ZBTB43: variants seen among roughly 807,000 people sequenced by gnomAD.
ZBTB43 encodes the protein zinc finger and BTB domain containing 43, also known as zinc finger and BTB domain-containing protein 43.
Under a neutral mutation model 31.1 loss-of-function variants are expected in ZBTB43, and 6 were observed. The observed-to-expected ratio is 0.19, with a 90% confidence interval of 0.11 to 0.38. ZBTB43 has a LOEUF of 0.38. Ranked by LOEUF, ZBTB43 falls within the 10% of genes least tolerant of loss-of-function variation. ZBTB43 has a pLI of 1.00. For missense variants in ZBTB43, 379 were observed against 602.1 expected (o/e 0.63, Z 3.88); for synonymous variants, 212 against 221.7 (o/e 0.96, Z 0.39).
intron 2 of ZBTB43, among the ~76,000 whole-genome samples, chr9:126,827,781 GC>G: frequency 6.6e-6 from 1 of 152,264 alleles, no homozygotes; most frequent in African/African-American, 2.4e-5. Context: ...ACTGAGGCGG[GC>G]GGATCACCTG....
At chr9:126,815,030 T>G (rs868440534) in intron 2 of ZBTB43, among the ~76,000 whole-genome samples, 6 of 151,808 alleles carry the variant, frequency 4.0e-5, no homozygotes, top group Middle Eastern at 3.2e-3. Flanking sequence ...GTGATTTGAT[T>G]ATGATGTGCC....
intron 2 of ZBTB43, among the ~76,000 whole-genome samples, chr9:126,822,631 T>C (rs2032539827): frequency 1.3e-5 from 2 of 152,118 alleles, no homozygotes. Flanking sequence ...GTCCAGCTCC[T>C]TGGGAGGCTG....
At chr9:126,814,827 G>T (rs966406529) in intron 2 of ZBTB43, among the ~76,000 whole-genome samples, 1 of 151,984 alleles carries the variant, frequency 6.6e-6, no homozygotes, top group Admixed American at 6.6e-5. Flanking sequence ...AAAGTATTTT[G>T]CCTTCACTTT....
intron 2 of ZBTB43, chr9:126,832,253 C>T: frequency 2.0e-6 from 1 of 494,140 alleles, no homozygotes; most frequent in East Asian, 3.3e-5. Context: ...ATTCAGTTCT[C>T]TTACCCACAG....
rs369672624 is a variant in ZBTB43, at chr9:126,820,218, T to C, written c.-24+11303T>C. Among the ~76,000 whole-genome samples the C allele has an allele frequency of 4.6e-5, 7 of 152,354 alleles. 1 individual carries two copies. The highest frequency in any genetic ancestry group is 1.7e-4 in the African/African-American group (7 of 41,578). On this transcript the variant is annotated intron_variant, in intron 2 of 2. Coordinates refer to ENST00000373464, the MANE Select transcript of ZBTB43 (RefSeq NM_014007.4). ...TTTCAATATAGATGAAAAAGCCTTC[T>C]ATTGGAAGGAGATGCTATCTATGAC... is the stretch of plus-strand genomic sequence containing the variant.
chr9:126,811,660 C>G (rs1049898875), intron 2 of ZBTB43, among the ~76,000 whole-genome samples: 1 of 152,176 alleles, frequency 6.6e-6, no homozygotes, highest in Non-Finnish European at 1.5e-5. Context: ...GAGTCTCACT[C>G]TGTCGCCCAG....
rs369554437 is a variant in ZBTB43, at chr9:126,836,122, T to C, written c.*2209T>C. The C allele has an allele frequency of 1.2e-5, 2 of 167,238 alleles. No homozygotes were observed. The highest frequency in any genetic ancestry group is 4.8e-5 in the African/African-American group (2 of 41,572). The allele number at this position is 167,238 out of a possible 1,614,324, so 10.4% of individuals were successfully genotyped here. On this transcript the variant is annotated 3_prime_UTR_variant, in exon 3 of 3. Transcript: ENST00000373464. ...ACTATTTACATGATCATTAGGACAT[T>C]GCAGGAGAAGTCTGAGAGGTAAAAA...
intron 2 of ZBTB43, among the ~76,000 whole-genome samples, chr9:126,820,906 G>T (rs1211936613): frequency 6.9e-6 from 1 of 144,362 alleles, no homozygotes; most frequent in African/African-American, 2.6e-5. Context: ...AGTCGAGGCT[G>T]CAGTGAGCCA....
intron 2 of ZBTB43, among the ~76,000 whole-genome samples, chr9:126,830,312 C>A (rs896831136): frequency 3.3e-5 from 5 of 152,242 alleles, no homozygotes; most frequent in African/African-American, 7.2e-5. Flanking sequence ...AGATGACTTT[C>A]AGTCTTTGTC....
rs112745241 is a variant in ZBTB43, at chr9:126,811,322, C to G, written c.-24+2407C>G. Reference sequence around the variant, plus strand: ...ACTTTGGATTTAAATCTCAATTTTACTGCTTACCAGTTATATGACCTTAAG... The same window carrying G: ...ACTTTGGATTTAAATCTCAATTTTAGTGCTTACCAGTTATATGACCTTAAG... On this transcript the variant is annotated intron_variant, in intron 2 of 2. Transcript: ENST00000373464. Among the ~76,000 whole-genome samples, 592 of 151,818 alleles carry G rather than the reference C, an allele frequency of 3.9e-3. 5 individuals carry two copies. The highest frequency in any genetic ancestry group is 0.014 in the African/African-American group (560 of 41,446).
upstream of ZBTB43, among the ~76,000 whole-genome samples, chr9:126,804,800 A>G (rs867108356): frequency 6.6e-6 from 1 of 152,096 alleles, no homozygotes; most frequent in East Asian, 1.9e-4. Flanking sequence ...CAAGGTTTCA[A>G]GAAGGTTTAG....
chr9:126,816,687 T>G (rs1390183070), intron 2 of ZBTB43, among the ~76,000 whole-genome samples: 1 of 152,184 alleles, frequency 6.6e-6, no homozygotes, highest in Non-Finnish European at 1.5e-5. Flanking sequence ...TGAACCACAT[T>G]GACATCTGGG....
At chr9:126,815,225 GTTTT>G (rs2032350264) in intron 2 of ZBTB43, among the ~76,000 whole-genome samples, 1 of 49,058 alleles carries the variant, frequency 2.0e-5, no homozygotes, top group Non-Finnish European at 4.8e-5. Context: ...TATATATATA[GTTTT>G]CAATATATAA....
At chr9:126,805,593 T>C (rs1355021940) in intron 1 of ZBTB43, among the ~76,000 whole-genome samples, 1 of 152,250 alleles carries the variant, frequency 6.6e-6, no homozygotes, top group African/African-American at 2.4e-5. Context: ...GCATCCCCTG[T>C]TGCTGTCTCT....
chr9:126,807,897 A>G (rs148581694), intron 1 of ZBTB43, among the ~76,000 whole-genome samples: 4 of 152,170 alleles, frequency 2.6e-5, no homozygotes, highest in African/African-American at 9.7e-5. Context: ...TGGCCTCCCA[A>G]AGTGCTGGGA....
chr9:126,813,614 A>G (rs1322621041), intron 2 of ZBTB43, among the ~76,000 whole-genome samples: 4 of 152,278 alleles, frequency 2.6e-5, no homozygotes, highest in East Asian at 1.9e-4. Flanking sequence ...TCTTGCCGTT[A>G]GTGTGATTGG....
intron 2 of ZBTB43, among the ~76,000 whole-genome samples, chr9:126,819,555 G>A (rs986256174): frequency 9.2e-5 from 14 of 152,014 alleles, no homozygotes; most frequent in African/African-American, 3.1e-4. Context: ...TGTGTGTTCT[G>A]ACTACTCCAC....
chr9:126,833,387 T>C lies in ZBTB43; in HGVS notation c.878T>C (p.Ile293Thr), dbSNP rs762841686. Residue 293 changes from isoleucine (I) to threonine (T), a missense_variant, in exon 3 of 3, where the codon ATC becomes ACC. Around this residue, in one of 5 missense-constraint regions of ZBTB43, gnomAD observed 253 missense variants for 322.3 expected, o/e 0.79. Transcript: ENST00000373464. The surrounding 1 kb of genome is among the most constrained non-coding windows in gnomAD (Gnocchi z 7.9). ...QPSGVEEDFH[I>T]GEKKVEAEFD... ...TCGGGAGTGGAGGAGGACTTCCACA[T>C]CGGGGAGAAGAAAGTGGAAGCTGAG... 5 of 1,613,752 alleles carry C rather than the reference T, an allele frequency of 3.1e-6. No homozygotes were observed. In the East Asian group the frequency reaches 6.7e-5, roughly 22 times the overall value.
intron 2 of ZBTB43, among the ~76,000 whole-genome samples, chr9:126,827,240 T>C (rs923411687): frequency 6.6e-6 from 1 of 152,256 alleles, no homozygotes; most frequent in African/African-American, 2.4e-5. Flanking sequence ...TGTACAGATG[T>C]AGGTGTAGGT....
Sources: gnomAD v4.1 joint callset for allele counts (sites outside exome capture counted in the v4.1 genomes callset) on GRCh38, gnomAD v4.1.1 for gene constraint, gnomAD v4.1.1 regional missense constraint, Gnocchi (gnomAD v3.1) non-coding constraint, MANE v1.5 for transcripts, NCBI Gene and HGNC (gene_info 2026-07-23, HGNC 2026-07-21) for gene names.